HIBADH: variants seen among roughly 807,000 people sequenced by gnomAD.
The protein encoded by HIBADH is 3-hydroxyisobutyrate dehydrogenase.
HIBADH carries 25 observed loss-of-function variants against 36.1 expected under a neutral mutation model. The ratio of observed to expected loss-of-function variants is 0.69; its 90% CI spans 0.50 to 0.97. The LOEUF is 0.97. HIBADH is among the 50% of genes least tolerant of loss of function. The pLI is 0.00. For synonymous variants in HIBADH, 160 were observed against 149.5 expected (o/e 1.07, Z -0.51); for missense variants, 421 against 418.0 (o/e 1.01, Z -0.06).
At chr7:27,600,112 A>T (rs1785104055) in intron 4 of HIBADH, among the ~76,000 whole-genome samples, 1 of 152,056 alleles carries the variant, frequency 6.6e-6, no homozygotes, top group Admixed American at 6.6e-5. Flanking sequence ...ATTTTTCTTC[A>T]CCTTTATTGC....
At chr7:27,551,490 GT>G (rs1784319409) in intron 4 of HIBADH, among the ~76,000 whole-genome samples, 1 of 152,182 alleles carries the variant, frequency 6.6e-6, no homozygotes, top group Non-Finnish European at 1.5e-5. Context: ...GCTTAAACAT[GT>G]CGAAGTCTTT....
At chr7:27,557,603 G>C (rs1485695437) in intron 4 of HIBADH, among the ~76,000 whole-genome samples, 1 of 152,176 alleles carries the variant, frequency 6.6e-6, no homozygotes, top group Non-Finnish European at 1.5e-5. Context: ...CTGTTTCCAA[G>C]ATGGCAGCTT....
chr7:27,608,776 A>G (rs1308458736), intron 4 of HIBADH, among the ~76,000 whole-genome samples: 1 of 152,250 alleles, frequency 6.6e-6, no homozygotes, highest in Non-Finnish European at 1.5e-5. Flanking sequence ...TTATATAAAC[A>G]GGGCTCAGTA....
intron 4 of HIBADH, among the ~76,000 whole-genome samples, chr7:27,588,223 G>GT (rs1319755578): frequency 6.6e-6 from 1 of 152,166 alleles, no homozygotes; most frequent in Non-Finnish European, 1.5e-5. Flanking sequence ...AGGGTTGTTG[G>GT]TTTTTTTGGT....
intron 7 of HIBADH, among the ~76,000 whole-genome samples, chr7:27,527,942 T>TTTTTTTTTTTTTTTTTTTTTTTTGTTA: frequency 8.7e-6 from 1 of 115,200 alleles, no homozygotes; most frequent in Admixed American, 9.1e-5. Context: ...TTTTTTTTTT[T>TTTTTTTTTTTTTTTTTTTTTTTTGTTA]AGTAGAGACA....
chr7:27,656,933 C>T (rs1786317870), intron 1 of HIBADH, among the ~76,000 whole-genome samples: 3 of 152,276 alleles, frequency 2.0e-5, no homozygotes, highest in African/African-American at 2.4e-5. Context: ...AACCATTACA[C>T]ATTGCAGGTT....
chr7:27,639,837 C>G (rs1200443638), intron 2 of HIBADH, among the ~76,000 whole-genome samples: 1 of 152,168 alleles, frequency 6.6e-6, no homozygotes, highest in Non-Finnish European at 1.5e-5. Flanking sequence ...TAGGTTAACA[C>G]TTAAAGGCAT....
At chr7:27,634,110 C>CA (rs762159025) in intron 2 of HIBADH, among the ~76,000 whole-genome samples, 2 of 152,122 alleles carry the variant, frequency 1.3e-5, no homozygotes, top group Non-Finnish European at 2.9e-5. Context: ...TTTCATAAGT[C>CA]ACTCTTTAAA....
intron 4 of HIBADH, among the ~76,000 whole-genome samples, chr7:27,588,203 T>C (rs897235588): frequency 3.3e-5 from 5 of 152,244 alleles, no homozygotes; most frequent in African/African-American, 9.6e-5. Flanking sequence ...TTAAAGCTTA[T>C]GGACAATGGA....
intron 4 of HIBADH, among the ~76,000 whole-genome samples, chr7:27,614,175 C>T (rs1785384562): frequency 6.6e-6 from 1 of 152,122 alleles, no homozygotes; most frequent in Non-Finnish European, 1.5e-5. Context: ...AAATTCTAAA[C>T]TTTTAATGTA....
chr7:27,564,379 A>C (rs1432481729), intron 4 of HIBADH, among the ~76,000 whole-genome samples: 1 of 152,182 alleles, frequency 6.6e-6, no homozygotes, highest in South Asian at 2.1e-4. Flanking sequence ...ATAGATCAAC[A>C]ACCTTTTTTT....
At chr7:27,587,942 T>C (rs1288128108) in intron 4 of HIBADH, among the ~76,000 whole-genome samples, 1 of 152,190 alleles carries the variant, frequency 6.6e-6, no homozygotes, top group Middle Eastern at 3.2e-3. Flanking sequence ...GAGTAGAGTA[T>C]AGCAGTTTAG....
At chr7:27,632,770 T>C (rs757861558) in intron 2 of HIBADH, among the ~76,000 whole-genome samples, 20 of 152,150 alleles carry the variant, frequency 1.3e-4, no homozygotes, top group Non-Finnish European at 1.2e-4. Context: ...GTTGGATTCC[T>C]AAACAGCATA....
At chr7:27,538,145 C>T (rs886853868) in intron 6 of HIBADH, among the ~76,000 whole-genome samples, 196 bp downstream of exon 6, 18 of 152,146 alleles carry the variant, frequency 1.2e-4, no homozygotes, top group African/African-American at 3.9e-4. Flanking sequence ...ATGGCTATGG[C>T]AAAGAGTATT....
chr7:27,620,526 GC>G (rs1181951959), intron 4 of HIBADH, among the ~76,000 whole-genome samples: 1 of 151,672 alleles, frequency 6.6e-6, no homozygotes, highest in Non-Finnish European at 1.5e-5. Context: ...AAAAACCCTG[GC>G]AGCCAAGAAT....
chr7:27,662,630 C>T (rs1786447208), intron 1 of HIBADH, 68 bp downstream of exon 1: 2 of 1,027,030 alleles, frequency 1.9e-6, no homozygotes, highest in Middle Eastern at 3.1e-4. Context: ...AAGACTTCTT[C>T]GGCCGTCTGG....
chr7:27,576,931 C>T (rs1007254002), intron 4 of HIBADH, among the ~76,000 whole-genome samples: 1 of 152,160 alleles, frequency 6.6e-6, no homozygotes, highest in African/African-American at 2.4e-5. Flanking sequence ...ACTGCCTATA[C>T]ACACGGGACA....
intron 4 of HIBADH, among the ~76,000 whole-genome samples, chr7:27,599,465 G>A (rs893823372): frequency 2.6e-5 from 4 of 151,864 alleles, no homozygotes; most frequent in African/African-American, 9.7e-5. Context: ...GGCTGATCAC[G>A]AGGTCAGGAG....
chr7:27,558,959 T>G (rs575132603), intron 4 of HIBADH, among the ~76,000 whole-genome samples: 6 of 152,310 alleles, frequency 3.9e-5, no homozygotes, highest in Non-Finnish European at 7.4e-5. Flanking sequence ...ACTGGGTGGC[T>G]TAAACAACAG....
Sources: gnomAD v4.1 joint callset for allele counts (sites outside exome capture counted in the v4.1 genomes callset) on GRCh38, gnomAD v4.1.1 for gene constraint, MANE v1.5 for transcripts, NCBI Gene and HGNC (gene_info 2026-07-23, HGNC 2026-07-21) for gene names.